The following PLCXD3 variants were observed in gnomAD, a reference collection of about 807,000 sequenced individuals.
PLCXD3 encodes the protein phosphatidylinositol specific phospholipase C X domain containing 3.
Under a neutral mutation model 25.5 loss-of-function variants are expected in PLCXD3, and 19 were observed. The ratio of observed to expected loss-of-function variants is 0.75; its 90% confidence interval spans 0.52 to 1.09. PLCXD3 has a LOEUF of 1.09. PLCXD3 is among the 50% of genes least tolerant of loss of function. PLCXD3 has a pLI of 0.00. For missense variants in PLCXD3, 411 were observed against 388.1 expected (o/e 1.06, Z -0.50); for synonymous variants, 174 against 137.6 (o/e 1.26, Z -1.85).
intron 2 of PLCXD3, among the ~76,000 whole-genome samples, chr5:41,358,913 G>A (rs997022489): frequency 6.6e-6 from 1 of 152,094 alleles, no homozygotes. Flanking sequence ...TTTGCTGAGG[G>A]TTTCAATCAT....
intron 1 of PLCXD3, among the ~76,000 whole-genome samples, chr5:41,427,079 G>A (rs1406935289): frequency 6.6e-6 from 1 of 152,046 alleles, no homozygotes; most frequent in African/African-American, 2.4e-5. Flanking sequence ...ACACTACAAT[G>A]TTTCCATGTG....
In PLCXD3 at chr5:41,508,921, T is replaced by A. The variant is rs547921699; in HGVS notation, c.103+1503A>T. Among the ~76,000 whole-genome samples the A allele has an allele frequency of 2.3e-3, 351 of 152,340 alleles. 2 individuals are homozygous for A. Among genetic ancestry groups the A allele is most frequent in the African/African-American group, 8.3e-3 (343 of 41,574 alleles). On this transcript the variant is annotated intron_variant, in intron 1 of 2. Transcript: ENST00000377801. ...CTTGCCTAGGTAGCAGAATAAGTGC[T>A]GCATGGAGAAGCTGGGGTTGGTTCT...
At chr5:41,315,518 G>T (rs1304917647) in intron 2 of PLCXD3, among the ~76,000 whole-genome samples, 1 of 152,006 alleles carries the variant, frequency 6.6e-6, no homozygotes, top group Non-Finnish European at 1.5e-5. Flanking sequence ...ACCCCTGCAA[G>T]GTCATCGTCC....
At chr5:41,431,715 C>T (rs2150508859) in intron 1 of PLCXD3, among the ~76,000 whole-genome samples, 1 of 152,290 alleles carries the variant, frequency 6.6e-6, no homozygotes, top group Middle Eastern at 3.4e-3. Flanking sequence ...TTAAATCCCA[C>T]AGAGGGAGGT....
chr5:41,379,550 A>G (rs1020069704), intron 2 of PLCXD3, among the ~76,000 whole-genome samples: 1 of 152,056 alleles, frequency 6.6e-6, no homozygotes, highest in Admixed American at 6.6e-5. Flanking sequence ...AAAAGAAGTG[A>G]AAAATGGTAA....
intron 1 of PLCXD3, among the ~76,000 whole-genome samples, chr5:41,481,458 C>T (rs1034546573): frequency 6.6e-6 from 1 of 152,218 alleles, no homozygotes; most frequent in South Asian, 2.1e-4. Flanking sequence ...TTTGGAATCA[C>T]ACATATGGAG....
chr5:41,406,342 G>A (rs1746350085), intron 1 of PLCXD3, among the ~76,000 whole-genome samples: 1 of 151,972 alleles, frequency 6.6e-6, no homozygotes, highest in Admixed American at 6.6e-5. Flanking sequence ...AATTTGACCT[G>A]CATTTTAGAG....
At chr5:41,387,942 T>C (rs184600925) in intron 1 of PLCXD3, among the ~76,000 whole-genome samples, 4 of 152,256 alleles carry the variant, frequency 2.6e-5, no homozygotes, top group African/African-American at 9.6e-5. Flanking sequence ...TGATCATTGA[T>C]TATTAATATC....
chr5:41,471,111 C>T (rs1007566135), intron 1 of PLCXD3, among the ~76,000 whole-genome samples: 1 of 152,046 alleles, frequency 6.6e-6, no homozygotes, highest in African/African-American at 2.4e-5. Flanking sequence ...AGGGGTAGAA[C>T]AAGATGGAAT....
chr5:41,375,236 T>C (rs960565060), intron 2 of PLCXD3, among the ~76,000 whole-genome samples: 2 of 152,122 alleles, frequency 1.3e-5, no homozygotes, highest in African/African-American at 4.8e-5. Context: ...CCTAGACCTT[T>C]GGCTTTACCC....
chr5:41,315,086 T>C (rs1347668958), intron 2 of PLCXD3, among the ~76,000 whole-genome samples: 1 of 152,114 alleles, frequency 6.6e-6, no homozygotes, highest in Non-Finnish European at 1.5e-5. Context: ...AGAATCATGG[T>C]GTGTGCTTAG....
intron 1 of PLCXD3, among the ~76,000 whole-genome samples, chr5:41,505,321 C>T (rs1749032776): frequency 6.6e-6 from 1 of 152,098 alleles, no homozygotes; most frequent in South Asian, 2.1e-4. Context: ...GTTATATATG[C>T]TTGTACTCCA....
rs144469978 is a variant in PLCXD3 at position 41,370,107 on chromosome 5, G to A, written c.812+11719C>T. On this transcript the variant is annotated intron_variant, in intron 2 of 2. Coordinates refer to ENST00000377801, the MANE Select transcript of PLCXD3 (RefSeq NM_001005473.3). ...GCTACAGGGAAATAAGTGATGAGGG[G>A]GTGGAAGGAAAGAATATTTTAAAGG... Among the ~76,000 whole-genome samples the A allele has an allele frequency of 4.0e-3, 610 of 152,248 alleles. 5 individuals carry two copies. Among genetic ancestry groups the A allele is most frequent in the African/African-American group, 0.014 (590 of 41,544 alleles).
intron 1 of PLCXD3, among the ~76,000 whole-genome samples, chr5:41,478,506 T>C (rs1748328479): frequency 6.6e-6 from 1 of 152,186 alleles, no homozygotes; most frequent in South Asian, 2.1e-4. Context: ...TGAAAGTATA[T>C]GAAATAGGAA....
At chr5:41,380,297 G>C (rs1008668366) in intron 2 of PLCXD3, among the ~76,000 whole-genome samples, 1 of 151,988 alleles carries the variant, frequency 6.6e-6, no homozygotes, top group Non-Finnish European at 1.5e-5. Flanking sequence ...TAGCCAACTA[G>C]TCACTGAATC....
At chr5:41,331,945 A>T (rs1024905380) in intron 2 of PLCXD3, among the ~76,000 whole-genome samples, 11 of 152,246 alleles carry the variant, frequency 7.2e-5, no homozygotes, top group African/African-American at 2.4e-4. Context: ...AATTAATTCA[A>T]GATGGATTAA....
chr5:41,361,718 G>C (rs1744785300), intron 2 of PLCXD3, among the ~76,000 whole-genome samples: 1 of 152,198 alleles, frequency 6.6e-6, no homozygotes, highest in Non-Finnish European at 1.5e-5. Flanking sequence ...TCTTCTAGAA[G>C]CCACATCTCA....
chr5:41,370,916 C>T (rs1476729184), intron 2 of PLCXD3, among the ~76,000 whole-genome samples: 1 of 152,118 alleles, frequency 6.6e-6, no homozygotes, highest in Non-Finnish European at 1.5e-5. Context: ...TTACAAAGAA[C>T]TATGTTCTTC....
intron 2 of PLCXD3, among the ~76,000 whole-genome samples, chr5:41,332,860 C>G (rs958921018): frequency 6.6e-6 from 1 of 152,008 alleles, no homozygotes; most frequent in Non-Finnish European, 1.5e-5. Flanking sequence ...AACCAAGCAC[C>G]GCATATTCTC....
Sources: gnomAD v4.1 joint callset for allele counts (sites outside exome capture counted in the v4.1 genomes callset) on GRCh38, gnomAD v4.1.1 for gene constraint, MANE v1.5 for transcripts, NCBI Gene and HGNC (gene_info 2026-07-23, HGNC 2026-07-21) for gene names.